FAM107A: variants seen among roughly 807,000 people sequenced by gnomAD.
FAM107A encodes actin-associated protein FAM107A.
Under a neutral mutation model 13.7 loss-of-function variants are expected in FAM107A, and 19 were observed. The observed-to-expected ratio is 1.38, with a 90% CI of 0.97 to 2.03. FAM107A has a LOEUF of 2.03. Ranked by LOEUF, FAM107A falls within the 30% of genes most tolerant of loss-of-function variation. The probability of loss-of-function intolerance (pLI) is 0.00; values close to 1 mark genes in which losing one functional copy is unlikely to be tolerated. For synonymous variants in FAM107A, 82 were observed against 74.5 expected (o/e 1.10, Z -0.52); for missense variants, 203 against 184.4 (o/e 1.10, Z -0.58).
At chr3:58,575,048 G>A (rs1276406794) in intron 1 of FAM107A, among the ~76,000 whole-genome samples, 4 of 152,242 alleles carry the variant, frequency 2.6e-5, no homozygotes, top group African/African-American at 9.6e-5. Flanking sequence ...ATAGCCATGG[G>A]ACCCCAGGCT....
At chr3:58,581,839 C>T (rs968672075), upstream of FAM107A, among the ~76,000 whole-genome samples, 2 of 152,220 alleles carry the variant, frequency 1.3e-5, no homozygotes, top group African/African-American at 4.8e-5. Flanking sequence ...AAAGCTGGCT[C>T]TCCACCCAGC....
chr3:58,602,812 C>T (rs1393860516), intron 1 of FAM107A, among the ~76,000 whole-genome samples: 2 of 152,140 alleles, frequency 1.3e-5, no homozygotes, highest in African/African-American at 2.4e-5. Flanking sequence ...AAAGTAATGG[C>T]AAAACTACAA....
At position 58,567,329 on chromosome 3, in the gene FAM107A, C is replaced by T. The variant is rs747268557; in HGVS notation, c.206G>A (p.Arg69His). The change falls in exon 3 of 4, where the codon CGT becomes CAT. Residue 69 changes from arginine (R) to histidine (H), a missense_variant. Transcript: ENST00000360997. Reference sequence around the variant, plus strand: ...GTTCCGCCGGCGGTGCTCTAGGACACGCTGCAGCTCTGGCTTGCTGTCCAC... The same window carrying T: ...GTTCCGCCGGCGGTGCTCTAGGACATGCTGCAGCTCTGGCTTGCTGTCCAC... The part of the protein sequence containing the change: ...LGVDSKPELQ[R>H]VLEHRRRNQL... The T allele has an allele frequency of 1.6e-5, 26 of 1,611,912 alleles. No individual in the cohort carries two copies. Among genetic ancestry groups the T allele is most frequent in the Admixed American group, 6.7e-5 (4 of 59,888 alleles).
intron 1 of FAM107A, among the ~76,000 whole-genome samples, chr3:58,609,748 A>G (rs963923877): frequency 7.0e-6 from 1 of 141,962 alleles, no homozygotes; most frequent in Non-Finnish European, 1.5e-5. Flanking sequence ...GGTTCCTCAC[A>G]TGGATATGGG....
At chr3:58,626,342 C>G (rs958913708) in intron 1 of FAM107A, among the ~76,000 whole-genome samples, 2 of 152,168 alleles carry the variant, frequency 1.3e-5, no homozygotes, top group African/African-American at 2.4e-5. Flanking sequence ...AGTTCTCAGG[C>G]AATGCTGTCT....
intron 1 of FAM107A, chr3:58,586,791 A>T: frequency 6.9e-7 from 1 of 1,451,154 alleles, no homozygotes; most frequent in South Asian, 1.4e-5. Flanking sequence ...CCAGGGACTG[A>T]GCGCCGTGCA....
intron 1 of FAM107A, among the ~76,000 whole-genome samples, chr3:58,623,445 C>T (rs748101433): frequency 2.0e-5 from 3 of 152,232 alleles, no homozygotes; most frequent in Non-Finnish European, 2.9e-5. Flanking sequence ...GCTCCACCTG[C>T]AGCCTCTAGA....
intron 2 of FAM107A, among the ~76,000 whole-genome samples, chr3:58,568,222 C>G (rs1019076843): frequency 2.0e-5 from 3 of 152,090 alleles, no homozygotes; most frequent in African/African-American, 2.4e-5. Context: ...ATCACGAGGT[C>G]AGGAGACCGA....
At chr3:58,596,808 T>C (rs2065711513) in intron 1 of FAM107A, among the ~76,000 whole-genome samples, 2 of 152,246 alleles carry the variant, frequency 1.3e-5, no homozygotes, top group Admixed American at 6.5e-5. Context: ...CTTTATATCT[T>C]GATATATATG....
intron 2 of FAM107A, 46 bp from the exon 3 acceptor site, chr3:58,567,410 C>A: frequency 1.3e-6 from 2 of 1,568,900 alleles, no homozygotes; most frequent in Non-Finnish European, 1.7e-6. Flanking sequence ...CACCTTCCCG[C>A]TTCCCCCAGC....
At chr3:58,605,015 A>C (rs999085509) in intron 1 of FAM107A, among the ~76,000 whole-genome samples, 1 of 152,200 alleles carries the variant, frequency 6.6e-6, no homozygotes, top group Admixed American at 6.5e-5. Context: ...GCACTCCTGC[A>C]AAGTCCAGGC....
chr3:58,614,663 C>G (rs1170864373), intron 1 of FAM107A, among the ~76,000 whole-genome samples: 1 of 151,334 alleles, frequency 6.6e-6, no homozygotes, highest in African/African-American at 2.4e-5. Context: ...TGCCACCATG[C>G]CTGGCTAATT....
exon 1 of FAM107A, chr3:58,586,986 A>G: frequency 1.3e-6 from 2 of 1,487,858 alleles, no homozygotes; most frequent in Non-Finnish European, 1.8e-6. Context: ...CCGCGAGCGC[A>G]CAGCAGGAGC....
chr3:58,565,435 ATTTTTTTTTTTTTTTT>A lies in FAM107A; in HGVS notation c.*1137_*1152del, dbSNP rs71625690. 1.2e-5 allele frequency: 1 copy of A among 82,322 alleles called. No homozygotes were observed. The highest frequency in any genetic ancestry group is 2.2e-5 in the Non-Finnish European group (1 of 45,298). 5.1% of individuals were successfully genotyped at this position (82,322 alleles called of 1,614,324 possible). A position where few individuals can be genotyped will look rare whatever the true frequency, so the allele number is the denominator to read the frequency against. On this transcript the variant is annotated 3_prime_UTR_variant, in exon 4 of 4. Transcript: ENST00000360997. ...GACTAGGAAAAAGTAAAAAAAAAAA[ATTTTTTTTTTTTTTTT>A]TTTTTTTTTGGCTAGAATTGCATCG... is the stretch of plus-strand genomic sequence containing the variant.
rs552269849 is a variant in FAM107A at position 58,570,990 on chromosome 3, T to C, written c.-5-1125A>G. 2.6e-5 allele frequency among the ~76,000 whole-genome samples: 4 copies of C among 152,358 alleles called. No homozygotes were observed. In the South Asian group the frequency reaches 8.3e-4, roughly 32 times the overall value. ...AGCCCCTGCTTGAGGGCCACCATGT[T>C]GCCTGTGGACAGACTCTCATTTCCT... On this transcript the variant is annotated intron_variant, in intron 1 of 3. Coordinates refer to ENST00000360997, the MANE Select transcript of FAM107A (RefSeq NM_001076778.3).
chr3:58,606,690 T>C (rs960570291), intron 1 of FAM107A, among the ~76,000 whole-genome samples: 2 of 152,250 alleles, frequency 1.3e-5, no homozygotes, highest in Admixed American at 1.3e-4. Flanking sequence ...ATTAAAGTCT[T>C]GTGGAACACA....
At chr3:58,572,745 AG>A (rs2063696570) in intron 1 of FAM107A, 1 of 152,116 alleles carries the variant, frequency 6.6e-6, no homozygotes, top group Non-Finnish European at 1.5e-5. Context: ...GTTAACTTCC[AG>A]GGGAAAAATC....
intron 1 of FAM107A, among the ~76,000 whole-genome samples, chr3:58,599,641 A>G (rs189182331): frequency 7.0e-6 from 1 of 141,976 alleles, no homozygotes; most frequent in Non-Finnish European, 1.5e-5. Flanking sequence ...GTGGTTACAC[A>G]GGTATTTTCA....
chr3:58,585,523 C>A (rs910235780), intron 1 of FAM107A, among the ~76,000 whole-genome samples: 5 of 152,220 alleles, frequency 3.3e-5, no homozygotes, highest in African/African-American at 1.2e-4. Context: ...AGTTCCAGAG[C>A]GGGCCGCGCG....
Sources: gnomAD v4.1 joint callset for allele counts (sites outside exome capture counted in the v4.1 genomes callset) on GRCh38, gnomAD v4.1.1 for gene constraint, MANE v1.5 for transcripts, NCBI Gene and HGNC (gene_info 2026-07-23, HGNC 2026-07-21) for gene names.